Variants in FAM90A23 observed in about 807,000 individuals in gnomAD.
FAM90A23 encodes family with sequence similarity 90 member A23, also known as protein FAM90A23.
chr8:7,580,032 GC>G, the FAM90A23 span: 1 of 318,288 alleles, frequency 3.1e-6, no homozygotes, highest in Admixed American at 6.1e-5. Flanking sequence ...TTCGGTTGCG[GC>G]TGGCGGAGGT....
the FAM90A23 span, among the ~76,000 whole-genome samples, chr8:7,580,900 G>C: frequency 1.4e-4 from 20 of 142,996 alleles, no homozygotes; most frequent in Admixed American, 1.2e-3. Flanking sequence ...GAAGTGGAAC[G>C]GACTAATGCC....
At chr8:7,579,933 CA>C in the FAM90A23 span, 2 of 671,936 alleles carry the variant, frequency 3.0e-6, no homozygotes, top group Non-Finnish European at 4.8e-6. Flanking sequence ...AGTAGGCAGG[CA>C]AGGTCTGCTG....
chr8:7,581,039 G>GTGTT, the FAM90A23 span, among the ~76,000 whole-genome samples: 1 of 74,016 alleles, frequency 1.4e-5, no homozygotes, highest in Non-Finnish European at 2.7e-5. Context: ...CGCTAGGAAC[G>GTGTT]TGTTGTTGGC....
chr8:7,580,899 C>T, the FAM90A23 span, among the ~76,000 whole-genome samples: 9 of 143,128 alleles, frequency 6.3e-5, no homozygotes, highest in African/African-American at 2.3e-4. Context: ...TGAAGTGGAA[C>T]GGACTAATGC....
chr8:7,580,847 T>C, the FAM90A23 span, among the ~76,000 whole-genome samples: 945 of 130,896 alleles, frequency 7.2e-3, no homozygotes, highest in African/African-American at 0.028. Flanking sequence ...AGATCGCGTC[T>C]TGGGCATTAA....
At chr8:7,580,641 C>A in the FAM90A23 span, 2 of 1,280,818 alleles carry the variant, frequency 1.6e-6, no homozygotes, top group African/African-American at 3.4e-5. Flanking sequence ...TTAGAAGTTC[C>A]TCAGCATGGA....
At chr8:7,579,652 G>T in the FAM90A23 span, 1 of 280,394 alleles carries the variant, frequency 3.6e-6, no homozygotes, top group East Asian at 5.3e-5. Context: ...TCTCACTCCA[G>T]GTCAGAATCG....
the FAM90A23 span, chr8:7,579,702 A>G: frequency 3.6e-6 from 1 of 280,012 alleles, no homozygotes; most frequent in Non-Finnish European, 6.1e-6. Flanking sequence ...GTCCTCATAG[A>G]GGACGCTCGG....
At chr8:7,580,839 A>T in the FAM90A23 span, among the ~76,000 whole-genome samples, 3 of 129,596 alleles carry the variant, frequency 2.3e-5, no homozygotes, top group African/African-American at 8.8e-5. Flanking sequence ...TGTTCAAAAG[A>T]TCGCGTCTTG....
At chr8:7,581,407 G>GC in the FAM90A23 span, 1 of 384,408 alleles carries the variant, frequency 2.6e-6, no homozygotes, top group Non-Finnish European at 4.4e-6. Context: ...GTCAGGCCGT[G>GC]CCCCCTGGTT....
At chr8:7,580,394 G>C in the FAM90A23 span, 2 of 607,738 alleles carry the variant, frequency 3.3e-6, no homozygotes, top group African/African-American at 4.5e-5. Flanking sequence ...CCTGGTGCCT[G>C]ACTGCAGGCT....
the FAM90A23 span, chr8:7,580,029 G>T: frequency 4.6e-6 from 2 of 435,740 alleles, no homozygotes; most frequent in African/African-American, 9.2e-5. Flanking sequence ...AAGTTCGGTT[G>T]CGGCTGGCGG....
At chr8:7,580,983 C>A in the FAM90A23 span, among the ~76,000 whole-genome samples, 1 of 138,844 alleles carries the variant, frequency 7.2e-6, no homozygotes, top group South Asian at 2.4e-4. Flanking sequence ...TCCTGGGTTT[C>A]GCCTTCTCCA....
the FAM90A23 span, chr8:7,579,698 A>G: frequency 3.6e-6 from 1 of 279,918 alleles, no homozygotes; most frequent in South Asian, 2.8e-5. Context: ...GAAGGTCCTC[A>G]TAGAGGACGC....
the FAM90A23 span, among the ~76,000 whole-genome samples, chr8:7,580,986 C>G: frequency 2.2e-5 from 3 of 138,490 alleles, no homozygotes; most frequent in South Asian, 2.4e-4. Context: ...TGGGTTTCGC[C>G]TTCTCCACGT....
the FAM90A23 span, chr8:7,580,321 CT>C: frequency 1.5e-6 from 1 of 678,482 alleles, no homozygotes. Flanking sequence ...GCCTGGGGAA[CT>C]TCTCGGCAGC....
At chr8:7,580,928 C>G in the FAM90A23 span, among the ~76,000 whole-genome samples, 2,106 of 131,688 alleles carry the variant, frequency 0.016, 3 homozygotes, top group East Asian at 0.069. Context: ...AGGCAGGTTG[C>G]TGGCTCAAGG....
At chr8:7,581,037 A>G in the FAM90A23 span, among the ~76,000 whole-genome samples, 1 of 87,836 alleles carries the variant, frequency 1.1e-5, no homozygotes, top group Admixed American at 1.3e-4. Context: ...GCCGCTAGGA[A>G]CGTGTTGTTG....
chr8:7,579,945 TG>T, the FAM90A23 span: 1 of 650,026 alleles, frequency 1.5e-6, no homozygotes, highest in Non-Finnish European at 2.5e-6. Context: ...AGGTCTGCTG[TG>T]CGGAGGCTGC....
Sources: allele counts gnomAD v4.1 joint callset (sites outside exome capture counted in the v4.1 genomes callset), GRCh38; gene constraint gnomAD v4.1.1; transcripts MANE v1.5; gene names NCBI Gene and HGNC (gene_info 2026-07-23, HGNC 2026-07-21).